FETUB: variants seen among roughly 807,000 people sequenced by gnomAD.
The protein encoded by FETUB is fetuin B.
FETUB carries 28 observed loss-of-function variants against 30.9 expected under a neutral mutation model. The ratio of observed to expected loss-of-function variants is 0.90; its 90% CI spans 0.67 to 1.24. The LOEUF is 1.24. FETUB is among the 50% of genes most tolerant of loss of function. FETUB has a pLI of 0.00. For synonymous variants in FETUB, 186 were observed against 175.9 expected, an observed-to-expected ratio of 1.06 and a Z score of -0.45; for missense variants, 469 against 455.3, an observed-to-expected ratio of 1.03 and a Z score of -0.27.
chr3:186,646,312 A>C lies in FETUB; in HGVS notation c.659A>C (p.Gln220Pro), dbSNP rs1243263075. 10 of 1,614,010 alleles carry C rather than the reference A, an allele frequency of 6.2e-6. No homozygotes were observed. The highest frequency in any genetic ancestry group is 8.5e-6 in the Non-Finnish European group (10 of 1,179,890). ...LIKESPCTKS[Q>P]ASSCSLQSSD... ...AAAGAATCACCATGTACTAAATCCCAGGCCAGCAGCTGTTCACTTCAGTCC... is the reference window on the plus strand; with the variant it reads ...AAAGAATCACCATGTACTAAATCCCCGGCCAGCAGCTGTTCACTTCAGTCC... The change falls in exon 5 of 7, where the codon CAG becomes CCG. Residue 220 changes from glutamine to proline, a missense_variant. Coordinates refer to ENST00000265029, the MANE Select transcript of FETUB (RefSeq NM_014375.3).
At chr3:186,641,775 C>T (rs1313666414) in intron 2 of FETUB, among the ~76,000 whole-genome samples, 1 of 152,124 alleles carries the variant, frequency 6.6e-6, no homozygotes, top group Admixed American at 6.5e-5. Flanking sequence ...AGTGTGAGTA[C>T]AGAATAGTGA....
chr3:186,651,391 T>C (rs1201770898), intron 6 of FETUB, 90 bp downstream of exon 6: 6 of 871,220 alleles, frequency 6.9e-6, no homozygotes, highest in Admixed American at 2.0e-5. Context: ...CCTTTGATTT[T>C]CCCAACCACC....
chr3:186,640,408 C>T lies in FETUB; in HGVS notation c.-53C>T. The T allele has an allele frequency of 7.0e-7, 1 of 1,423,564 alleles. No homozygotes were observed. Among genetic ancestry groups the T allele is most frequent in the Non-Finnish European group, 9.9e-7 (1 of 1,008,260 alleles). 88.2% of individuals were successfully genotyped at this position (1,423,564 alleles called of 1,614,324 possible). On this transcript the variant is annotated 5_prime_UTR_variant, in exon 1 of 7. Transcript: ENST00000265029. ...TGCCTTAAAGAGCCTTACAAGCCAG[C>T]CAGTCCCTGCAGCTCCACAAACTGA...
intron 5 of FETUB, among the ~76,000 whole-genome samples, chr3:186,650,765 T>C (rs1474828873): frequency 6.6e-6 from 1 of 152,184 alleles, no homozygotes; most frequent in Non-Finnish European, 1.5e-5. Flanking sequence ...ACATTTGTAA[T>C]AAGGAAACAA....
chr3:186,640,609 G>A lies in FETUB; in HGVS notation c.149G>A (p.Arg50Gln), dbSNP rs780257727. Residue 50 changes from arginine (R) to glutamine (Q), a missense_variant, in exon 1 of 7, where the codon CGG (arginine) becomes CAG (glutamine). Coordinates refer to ENST00000265029, the MANE Select transcript of FETUB (RefSeq NM_014375.3). The stretch of plus-strand genomic sequence containing the variant: ...CTGGCAGTTGCAGGCTTTGCCCTGC[G>A]GGATATTAACAAAGACAGAAAGGAT... ...DVLAVAGFAL[R>Q]DINKDRKDGY... 34 of 1,614,000 alleles carry A rather than the reference G, an allele frequency of 2.1e-5. No homozygotes were observed. The highest frequency in any genetic ancestry group is 6.7e-5 in the Admixed American group (4 of 60,002).
upstream of FETUB, among the ~76,000 whole-genome samples, chr3:186,637,676 A>G (rs1560017276): frequency 6.6e-6 from 1 of 152,214 alleles, no homozygotes; most frequent in Non-Finnish European, 1.5e-5. Flanking sequence ...AACCAGAAAA[A>G]GGCCACTGGC....
chr3:186,644,219 T>C (rs1195201380), intron 3 of FETUB, among the ~76,000 whole-genome samples: 1 of 152,196 alleles, frequency 6.6e-6, no homozygotes, highest in Non-Finnish European at 1.5e-5. Flanking sequence ...TTTATCCCCC[T>C]ATCTAGCTGT....
rs143112119 is a variant in FETUB at position 186,648,829 on chromosome 3, A to AT, written c.697-2383dup. On this transcript the variant is annotated intron_variant, in intron 5 of 6. Transcript: ENST00000265029. ...TTGAAAGTGTGTAGAAAGACGATTG[A>AT]TTTTTTATATTGATCTTATATATTA... Among the ~76,000 whole-genome samples the AT allele has an allele frequency of 1.0e-3, 155 of 152,282 alleles. 1 individual carries two copies. In the East Asian group the frequency reaches 0.023, roughly 23 times the overall value.
chr3:186,642,003 A>T (rs141230919), intron 2 of FETUB: 1 of 154,088 alleles, frequency 6.5e-6, no homozygotes, highest in East Asian at 1.9e-4. Flanking sequence ...TGAAAGTAGA[A>T]GTTCCTGATT....
upstream of FETUB, chr3:186,636,163 G>A (rs922120304): frequency 6.6e-6 from 1 of 152,288 alleles, no homozygotes; most frequent in African/African-American, 2.4e-5. Context: ...CCTGGCTCGG[G>A]AGCTGCTTCC....
intron 1 of FETUB, 136 bp from the exon 2 acceptor site, chr3:186,640,894 T>C (rs1269066967): frequency 3.4e-5 from 23 of 677,068 alleles, no homozygotes; most frequent in Non-Finnish European, 5.4e-5. Context: ...CTGACACTTG[T>C]GTCAGATTTA....
chr3:186,652,243 C>A lies in FETUB; in HGVS notation c.781-20C>A, dbSNP rs1579058275. 2.0e-6 allele frequency: 3 copies of A among 1,531,030 alleles called. No individual in the cohort carries two copies. The highest frequency in any genetic ancestry group is 1.3e-5 in the South Asian group (1 of 75,100). 94.8% of individuals were successfully genotyped at this position (1,531,030 alleles called of 1,614,324 possible). A position where few individuals can be genotyped will look rare whatever the true frequency, so the allele number is the denominator to read the frequency against. On this transcript the variant is annotated intron_variant, in intron 6 of 6. Coordinates refer to ENST00000265029, the MANE Select transcript of FETUB (RefSeq NM_014375.3). Reference sequence around the variant, plus strand: ...GACTTTCCCTGTGGAACTCTACATTCAAAAATGTTCTCATTCCAGGCTCCA... The same window carrying A: ...GACTTTCCCTGTGGAACTCTACATTAAAAAATGTTCTCATTCCAGGCTCCA...
intron 4 of FETUB, among the ~76,000 whole-genome samples, chr3:186,645,820 T>G (rs1032773438): frequency 1.4e-5 from 2 of 141,464 alleles, no homozygotes; most frequent in African/African-American, 2.7e-5. Context: ...TCCAACTCCC[T>G]GGTTCAAGGG....
chr3:186,645,043 C>T, intron 4 of FETUB, 123 bp downstream of exon 4: 1 of 669,688 alleles, frequency 1.5e-6, no homozygotes, highest in South Asian at 2.3e-5. Context: ...CCTTTCTCTA[C>T]TTTCCCCACT....
intron 5 of FETUB, among the ~76,000 whole-genome samples, chr3:186,648,387 T>C (rs953149730): frequency 6.6e-6 from 1 of 152,262 alleles, no homozygotes; most frequent in African/African-American, 2.4e-5. Context: ...TCTTGAATAC[T>C]ATATAACTTT....
upstream of FETUB, among the ~76,000 whole-genome samples, chr3:186,636,760 A>G (rs1276246111): frequency 6.6e-6 from 1 of 152,206 alleles, no homozygotes; most frequent in African/African-American, 2.4e-5. Context: ...GGACATAGAA[A>G]GTAAACGACG....
intron 4 of FETUB, 97 bp downstream of exon 4, chr3:186,645,017 G>C (rs935942868): frequency 3.2e-6 from 3 of 941,624 alleles, no homozygotes; most frequent in African/African-American, 1.7e-5. Flanking sequence ...CACTCATTTT[G>C]ATTAGAACCA....
At chr3:186,641,897 A>G (rs911600936) in intron 2 of FETUB, 2 of 152,396 alleles carry the variant, frequency 1.3e-5, no homozygotes, top group Non-Finnish European at 2.9e-5. Flanking sequence ...GTTGTGAATT[A>G]TATTTGTTAT....
intron 5 of FETUB, among the ~76,000 whole-genome samples, chr3:186,649,702 C>T (rs1717841017): frequency 6.6e-6 from 1 of 152,156 alleles, no homozygotes; most frequent in South Asian, 2.1e-4. Context: ...AACTCCTAAC[C>T]TCAAGTGATC....
Sources: allele counts gnomAD v4.1 joint callset (sites outside exome capture counted in the v4.1 genomes callset), GRCh38; gene constraint gnomAD v4.1.1; transcripts MANE v1.5; gene names NCBI Gene and HGNC (gene_info 2026-07-23, HGNC 2026-07-21).